Variants in KIAA1549L observed in about 807,000 individuals in gnomAD.
KIAA1549L encodes the protein UPF0606 protein KIAA1549L.
A neutral mutation model predicts 160.7 loss-of-function variants in KIAA1549L; 88 were observed. The observed-to-expected ratio is 0.55, with a 90% confidence interval of 0.46 to 0.65. The LOEUF (loss-of-function observed/expected upper bound fraction) is 0.65, where lower values mean the gene tolerates loss of function less well. KIAA1549L is among the 30% of genes least tolerant of loss of function. The pLI, the probability that KIAA1549L is intolerant of heterozygous loss-of-function variation, is 0.00. For missense variants in KIAA1549L, 2,258 were observed against 2,437.5 expected, an observed-to-expected ratio of 0.93 and a Z score of 1.55; for synonymous variants, 950 against 976.7, an observed-to-expected ratio of 0.97 and a Z score of 0.51.
chr11:33,570,006 C>CTTTTTTT (rs34297267), intron 9 of KIAA1549L, among the ~76,000 whole-genome samples: 1 of 134,582 alleles, frequency 7.4e-6, no homozygotes, highest in Non-Finnish European at 1.6e-5. Context: ...CTCTCTCTCT[C>CTTTTTTT]TTTTTTTTTT....
rs530715139 is a variant in KIAA1549L at position 33,541,104 on chromosome 11, G to C, written c.239-698G>C. Among the ~76,000 whole-genome samples, 3 of 152,194 alleles carry C rather than the reference G, an allele frequency of 2.0e-5. No homozygotes were observed. The South Asian group carries it at 6.2e-4, about 32-fold the overall frequency. ...AGCGGAGGTCACCAGCTTATGCCCT[G>C]CCTCCTTGTCTGTCTGCCTGTGGGG... is the stretch of plus-strand genomic sequence containing the variant. On this transcript the variant is annotated intron_variant, in intron 1 of 20. Coordinates refer to ENST00000658780, the MANE Select transcript of KIAA1549L (RefSeq NM_012194.3).
At position 33,417,814 on chromosome 11, in the gene KIAA1549L, G is replaced by A. The variant is rs187494955; in HGVS notation, c.238+40925G>A. Among the ~76,000 whole-genome samples, 447 of 151,792 alleles carry A rather than the reference G, an allele frequency of 2.9e-3. 6 individuals carry two copies. Among genetic ancestry groups the A allele is most frequent in the African/African-American group, 0.01 (425 of 41,378 alleles). On this transcript the variant is annotated intron_variant, in intron 1 of 20. Coordinates refer to ENST00000658780, the MANE Select transcript of KIAA1549L (RefSeq NM_012194.3). Reference sequence around the variant, plus strand: ...TTTCTTTTCTACACAGTTTCAGTCTGTCGCCCAGGCTGGAGTGCAGTGACA... The same window carrying A: ...TTTCTTTTCTACACAGTTTCAGTCTATCGCCCAGGCTGGAGTGCAGTGACA...
rs182312233 is a variant in KIAA1549L at position 33,650,643 on chromosome 11, C to T, written c.5760+4607C>T. Among the ~76,000 whole-genome samples the T allele has an allele frequency of 3.9e-5, 6 of 152,304 alleles. No homozygotes were observed. In the East Asian group the frequency reaches 7.7e-4, roughly 20 times the overall value. On this transcript the variant is annotated intron_variant, in intron 17 of 20. Transcript: ENST00000658780. ...CGTATCCTCTTTCTCCTACTCAACA[C>T]GCCGTCACCAGATTCTTCCCTTCCT...
chr11:33,658,922 G>A (rs1040121762), intron 19 of KIAA1549L, 24 bp downstream of exon 19: 4 of 1,528,542 alleles, frequency 2.6e-6, no homozygotes, highest in African/African-American at 2.7e-5. Flanking sequence ...AAGCCCGAGT[G>A]TGCCCCCCAC....
intron 1 of KIAA1549L, among the ~76,000 whole-genome samples, chr11:33,440,536 A>G (rs1054753904): frequency 2.6e-5 from 4 of 152,224 alleles, no homozygotes; most frequent in Admixed American, 6.5e-5. Flanking sequence ...GTTAATTAAT[A>G]TCTTTTCCCT....
intron 9 of KIAA1549L, among the ~76,000 whole-genome samples, chr11:33,570,127 C>T (rs1855199857): frequency 6.6e-6 from 1 of 152,006 alleles, no homozygotes; most frequent in Admixed American, 6.6e-5. Flanking sequence ...CCTCAGCCTC[C>T]CGAATAGCTG....
intron 1 of KIAA1549L, among the ~76,000 whole-genome samples, chr11:33,517,885 T>C (rs1853385507): frequency 6.6e-6 from 1 of 152,028 alleles, no homozygotes; most frequent in Non-Finnish European, 1.5e-5. Flanking sequence ...CTCACACCTG[T>C]AATCCTAGCA....
intron 19 of KIAA1549L, 109 bp from the exon 20 acceptor site, chr11:33,660,754 C>T: frequency 9.4e-7 from 1 of 1,063,826 alleles, no homozygotes; most frequent in Non-Finnish European, 1.4e-6. Context: ...GACTTCAAAT[C>T]CAGCAGCCAG....
At chr11:33,499,276 C>T (rs548843739) in intron 1 of KIAA1549L, among the ~76,000 whole-genome samples, 1 of 152,262 alleles carries the variant, frequency 6.6e-6, no homozygotes, top group African/African-American at 2.4e-5. Flanking sequence ...CTCTAAAGAA[C>T]TTTGGTTAAT....
rs552706742 is a variant in KIAA1549L, at chr11:33,625,256, T to C, written c.5409+6594T>C. ...GTCTTTATAGCAGCATGATTTATAG[T>C]CCTTTGGGTATATACCCAGTAATGG... On this transcript the variant is annotated intron_variant, in intron 16 of 20. Transcript: ENST00000658780. Among the ~76,000 whole-genome samples the C allele has an allele frequency of 2.1e-4, 32 of 152,168 alleles. No homozygotes were observed. In the East Asian group the frequency reaches 5.8e-3, roughly 28 times the overall value.
At chr11:33,394,994 A>G (rs1281614757) in intron 1 of KIAA1549L, among the ~76,000 whole-genome samples, 1 of 152,206 alleles carries the variant, frequency 6.6e-6, no homozygotes, top group Non-Finnish European at 1.5e-5. Context: ...TGAAACACGT[A>G]ATCTTAGAGT....
At chr11:33,453,091 G>C (rs1486930671) in intron 1 of KIAA1549L, among the ~76,000 whole-genome samples, 1 of 152,230 alleles carries the variant, frequency 6.6e-6, no homozygotes, top group Non-Finnish European at 1.5e-5. Context: ...TGCATTCTCT[G>C]AGTGACTGAC....
chr11:33,443,312 T>C (rs1437564750), intron 1 of KIAA1549L, among the ~76,000 whole-genome samples: 1 of 151,992 alleles, frequency 6.6e-6, no homozygotes, highest in Non-Finnish European at 1.5e-5. Context: ...TTTGCTCTTC[T>C]TTTTAGTGAT....
intron 1 of KIAA1549L, among the ~76,000 whole-genome samples, chr11:33,504,837 G>T (rs1453098845): frequency 1.2e-4 from 19 of 152,088 alleles, no homozygotes; most frequent in Admixed American, 1.2e-3. Context: ...TGCAATTATG[G>T]CTCACTGCAG....
chr11:33,640,559 T>G (rs2133393489), intron 16 of KIAA1549L, among the ~76,000 whole-genome samples: 1 of 152,340 alleles, frequency 6.6e-6, no homozygotes, highest in South Asian at 2.1e-4. Context: ...ACACTCTCTG[T>G]AGTGGCCTGG....
At chr11:33,625,948 G>A (rs1324431127) in intron 16 of KIAA1549L, among the ~76,000 whole-genome samples, 80 of 149,248 alleles carry the variant, frequency 5.4e-4, no homozygotes, top group Middle Eastern at 7.1e-3. Context: ...AAGGTGTAAG[G>A]AAGGGATCCA....
At chr11:33,514,858 T>A (rs1213395212) in intron 1 of KIAA1549L, among the ~76,000 whole-genome samples, 1 of 152,242 alleles carries the variant, frequency 6.6e-6, no homozygotes, top group Non-Finnish European at 1.5e-5. Context: ...CACGTTTGCT[T>A]ATGAAGCTAA....
At chr11:33,664,607 T>G (rs1237747971) in intron 20 of KIAA1549L, among the ~76,000 whole-genome samples, 1 of 152,164 alleles carries the variant, frequency 6.6e-6, no homozygotes, top group Non-Finnish European at 1.5e-5. Flanking sequence ...TGAATGGGAT[T>G]AGTGCCCTTA....
intron 8 of KIAA1549L, among the ~76,000 whole-genome samples, chr11:33,562,782 A>G (rs761304219): frequency 3.7e-4 from 55 of 150,412 alleles, no homozygotes; most frequent in Non-Finnish European, 6.1e-4. Flanking sequence ...GGGTTCAAGC[A>G]ATTCTCCTGC....
Sources: allele counts gnomAD v4.1 joint callset (sites outside exome capture counted in the v4.1 genomes callset), GRCh38; gene constraint gnomAD v4.1.1; transcripts MANE v1.5; gene names NCBI Gene and HGNC (gene_info 2026-07-23, HGNC 2026-07-21).